SLC26A5: variants seen among roughly 807,000 people sequenced by gnomAD.
SLC26A5 encodes the protein prestin.
SLC26A5 carries 51 observed loss-of-function variants against 81.0 expected under a neutral mutation model. The ratio of observed to expected loss-of-function variants is 0.63; its 90% confidence interval spans 0.50 to 0.80. The LOEUF (loss-of-function observed/expected upper bound fraction) is 0.80. Ranked by LOEUF, SLC26A5 falls within the 30% of genes least tolerant of loss-of-function variation. SLC26A5 has a pLI of 0.00. For missense variants in SLC26A5, 771 were observed against 905.8 expected (o/e 0.85, Z 1.91); for synonymous variants, 325 against 332.8 (o/e 0.98, Z 0.25).
intron 19 of SLC26A5, chr7:103,364,060 A>G: frequency 7.4e-7 from 1 of 1,350,180 alleles, no homozygotes. Context: ...AATACTAAAC[A>G]TAAAAGCACT....
chr7:103,421,476 G>A lies in SLC26A5; in HGVS notation c.39C>T (p.Thr13=), dbSNP rs1331748150. The A allele has an allele frequency of 6.2e-7, 1 of 1,614,006 alleles. No homozygotes were observed. Among genetic ancestry groups the A allele is most frequent in the Admixed American group, 1.7e-5 (1 of 60,000 alleles). ...TAGGCCTTTCCACATAGTACCTCTG[G>A]GTTGCTGCAAGGATTTCATTTTCTT... is the stretch of plus-strand genomic sequence containing the variant. ...HAEENEILAA[T]QRYYVERPIF... is the part of the protein sequence containing the mutation. The change falls in exon 3 of 20, where the codon ACC becomes ACT. Residue 13 remains threonine, a synonymous_variant. Coordinates refer to ENST00000306312, the MANE Select transcript of SLC26A5 (RefSeq NM_198999.3).
intron 7 of SLC26A5, 23 bp from the exon 8 acceptor site, chr7:103,408,026 T>A (rs773070250): frequency 6.2e-7 from 1 of 1,613,914 alleles, no homozygotes; most frequent in East Asian, 2.2e-5. Context: ...GAATGCTGGA[T>A]GTTTACATCA....
intron 8 of SLC26A5, among the ~76,000 whole-genome samples, chr7:103,404,017 T>C (rs1823823089): frequency 6.6e-6 from 1 of 152,164 alleles, no homozygotes; most frequent in Admixed American, 6.5e-5. Flanking sequence ...ACCCAGTCTC[T>C]GCTAAAAATA....
In SLC26A5 at chr7:103,367,358, A is replaced by G. The variant is rs1490414300; in HGVS notation, c.2041+9450T>C. On this transcript the variant is annotated intron_variant, in intron 19 of 19. Coordinates refer to the SLC26A5 transcript ENST00000339444. This position sits in a 1 kb window ranked among gnomAD's most constrained non-coding sequence, Gnocchi z 6.1. ...GATTTTTGGTACTTTCAGGTCATGC[A>G]TAGTGCTACTCTTGAGTGGACTTGA... The G allele has an allele frequency of 2.6e-6, 4 of 1,562,176 alleles. No individual in the cohort carries two copies. The highest frequency in any genetic ancestry group is 1.1e-5 in the South Asian group (1 of 89,584).
At chr7:103,387,461 C>A (rs938518495) in intron 14 of SLC26A5, among the ~76,000 whole-genome samples, 1 of 152,118 alleles carries the variant, frequency 6.6e-6, no homozygotes, top group Admixed American at 6.6e-5. Context: ...TGTGTTAGAG[C>A]GGGAAGGGCA....
chr7:103,353,373 T>C (rs1819836295), intron 19 of SLC26A5, among the ~76,000 whole-genome samples: 1 of 152,082 alleles, frequency 6.6e-6, no homozygotes. Flanking sequence ...GTGATGTGAT[T>C]TGGGCTCACT....
chr7:103,428,039 G>A (rs1825822538), intron 2 of SLC26A5, among the ~76,000 whole-genome samples: 1 of 151,914 alleles, frequency 6.6e-6, no homozygotes, highest in Non-Finnish European at 1.5e-5. Flanking sequence ...TTTTAGTAGA[G>A]ATGGGGTTTC....
chr7:103,386,558 G>A lies in SLC26A5; in HGVS notation c.1514+2450C>T, dbSNP rs529187421. ...AGCCTGGGTGACAGAGCAAGACTCT[G>A]TCTCAAAAGAAAACAAACAAAAAAA... On this transcript the variant is annotated intron_variant, in intron 14 of 19. Coordinates refer to ENST00000306312, the MANE Select transcript of SLC26A5 (RefSeq NM_198999.3). Among the ~76,000 whole-genome samples, 5 of 151,880 alleles carry A rather than the reference G, an allele frequency of 3.3e-5. No individual in the cohort carries two copies. The South Asian group carries it at 1.0e-3, about 32-fold the overall frequency.
intron 9 of SLC26A5, 59 bp from the exon 10 acceptor site, chr7:103,393,125 CT>C: frequency 6.2e-7 from 1 of 1,603,542 alleles, no homozygotes; most frequent in Non-Finnish European, 8.5e-7. Context: ...GAAAAAAAAC[CT>C]TGCGACTGCA....
Position 103,374,432 on chromosome 7 carries a change from C to T in SLC26A5, c.2202G>A (p.Glu734=). 2 of 1,612,478 alleles carry T rather than the reference C, an allele frequency of 1.2e-6. No individual in the cohort carries two copies. Among genetic ancestry groups the T allele is most frequent in the Non-Finnish European group, 1.7e-6 (2 of 1,179,970 alleles). The change falls in exon 20 of 20, where the codon GAG becomes GAA. Residue 734 remains glutamate, a synonymous_variant. Coordinates refer to ENST00000306312, the MANE Select transcript of SLC26A5 (RefSeq NM_198999.3). The part of the protein sequence containing the change: ...ASAPPSQEDL[E]PNATPATPEA ...CAGGAGTGGCAGGAGTGGCATTGGG[C>T]TCCAAGTCCTCCTGGGAAGGGGGAG...
At chr7:103,362,421 T>C in intron 19 of SLC26A5, 3 of 1,352,150 alleles carry the variant, frequency 2.2e-6, no homozygotes, top group Middle Eastern at 2.9e-4. Flanking sequence ...GTCTATAGAA[T>C]ACATAACAAC....
chr7:103,389,060 A>G lies in SLC26A5; in HGVS notation c.1462T>C (p.Leu488=). The change falls in exon 14 of 20, where the codon TTG becomes CTG. Residue 488 remains leucine (L), a synonymous_variant. Coordinates refer to ENST00000306312, the MANE Select transcript of SLC26A5 (RefSeq NM_198999.3). ...SSLFLGLDYG[L]ITAVIIALLT... is the part of the protein sequence containing the mutation. ...AGAGCAATGATCACAGCAGTGATCA[A>G]ACCATAGTCCAATCCCAGGAACAAG... The G allele has an allele frequency of 6.2e-7, 1 of 1,613,952 alleles. No homozygotes were observed. Among genetic ancestry groups the G allele is most frequent in the Admixed American group, 1.7e-5 (1 of 60,016 alleles).
chr7:103,371,695 ATTTTTTT>A (rs72068482), downstream of SLC26A5, among the ~76,000 whole-genome samples: 1 of 127,064 alleles, frequency 7.9e-6, no homozygotes, highest in African/African-American at 2.9e-5. Flanking sequence ...ATGTGCAATA[ATTTTTTT>A]TTTTTTTTTT....
intron 14 of SLC26A5, among the ~76,000 whole-genome samples, chr7:103,386,246 A>C (rs112679881): frequency 5.3e-5 from 7 of 133,180 alleles, no homozygotes; most frequent in African/African-American, 2.7e-4. Context: ...TGGAGCATTA[A>C]AAAAAAAAAA....
chr7:103,393,159 T>A (rs1822811167), intron 9 of SLC26A5, 93 bp from the exon 10 acceptor site: 1 of 1,453,904 alleles, frequency 6.9e-7, no homozygotes, highest in Non-Finnish European at 9.5e-7. Flanking sequence ...AGGGGGGCAT[T>A]ATCTGCAAAT....
chr7:103,403,037 T>G (rs538949510), intron 8 of SLC26A5, among the ~76,000 whole-genome samples: 27 of 152,362 alleles, frequency 1.8e-4, no homozygotes, highest in South Asian at 1.0e-3. Context: ...CTCTAAACAC[T>G]GTTTTAGCTG....
intron 19 of SLC26A5, among the ~76,000 whole-genome samples, chr7:103,359,529 CT>C (rs1820253685): frequency 1.3e-5 from 2 of 152,226 alleles, no homozygotes; most frequent in African/African-American, 4.8e-5. Context: ...CATTTATCTA[CT>C]TTCTGTTTCT....
At chr7:103,381,836 C>T (rs994552003) in intron 14 of SLC26A5, among the ~76,000 whole-genome samples, 7 of 151,430 alleles carry the variant, frequency 4.6e-5, no homozygotes, top group African/African-American at 1.7e-4. Context: ...ACACACAACA[C>T]ACACATGCAT....
intron 19 of SLC26A5, among the ~76,000 whole-genome samples, chr7:103,364,462 G>A (rs1820585013): frequency 6.6e-6 from 1 of 152,166 alleles, no homozygotes; most frequent in Non-Finnish European, 1.5e-5. Context: ...AGGCTGGAGT[G>A]CAGTGACATG....
Sources: allele counts gnomAD v4.1 joint callset (sites outside exome capture counted in the v4.1 genomes callset), GRCh38; gene constraint gnomAD v4.1.1; non-coding constraint Gnocchi (gnomAD v3.1); transcripts MANE v1.5; gene names NCBI Gene and HGNC (gene_info 2026-07-23, HGNC 2026-07-21).